Variants in DYNC2H1 observed in about 807,000 individuals in gnomAD.
DYNC2H1 encodes cytoplasmic dynein 2 heavy chain 1.
DYNC2H1 carries 410 observed loss-of-function variants against 570.0 expected under a neutral mutation model. The ratio of observed to expected loss-of-function variants is 0.72; its 90% confidence interval spans 0.66 to 0.78. DYNC2H1 has a LOEUF of 0.78. Among genes scored for constraint, DYNC2H1 ranks in the 30% least tolerant of loss-of-function variants. The pLI, the probability that DYNC2H1 is intolerant of heterozygous loss-of-function variation, is 0.00. For synonymous variants in DYNC2H1, 1,688 were observed against 1,677.6 expected (o/e 1.01, Z -0.15); for missense variants, 4,865 against 5,046.4 (o/e 0.96, Z 1.09).
chr11:103,143,433 A>G (rs374244903), intron 18 of DYNC2H1, 38 bp downstream of exon 18: 31 of 1,542,722 alleles, frequency 2.0e-5, no homozygotes, highest in Non-Finnish European at 2.4e-5. Context: ...TACCATAATA[A>G]TTTTTTGACA....
chr11:103,256,360 C>A lies in DYNC2H1; in HGVS notation c.10461+120C>A. ...ATGATGTGAAAAGAAAAAAGCTATT[C>A]AAAAACATCAGAACATTGGGTTTGA... On this transcript the variant is annotated intron_variant, in intron 68 of 88. Transcript: ENST00000375735. The surrounding 1 kb of genome is among the most constrained non-coding windows in gnomAD (Gnocchi z 4.0). 2 of 988,998 alleles carry A rather than the reference C, an allele frequency of 2.0e-6. No individual in the cohort carries two copies. Among genetic ancestry groups the A allele is most frequent in the Non-Finnish European group, 2.9e-6 (2 of 689,652 alleles). The allele number at this position is 988,998 out of a possible 1,614,324, so 61.3% of individuals were successfully genotyped here. A position where few individuals can be genotyped will look rare whatever the true frequency, so the allele number is the denominator to read the frequency against.
chr11:103,287,103 C>G (rs774655579), intron 74 of DYNC2H1, among the ~76,000 whole-genome samples: 2 of 152,096 alleles, frequency 1.3e-5, no homozygotes, highest in African/African-American at 4.8e-5. Flanking sequence ...GATTGCACCA[C>G]TGCACTCCAG....
rs532644983 is a variant in DYNC2H1 at position 103,358,243 on chromosome 11, G to C, written c.12040G>C (p.Val4014Leu). The change falls in exon 83 of 89, where the codon GTT (valine) becomes CTT (leucine). Residue 4014 changes from valine (V) to leucine (L), a missense_variant and splice_region_variant. Transcript: ENST00000375735. ...TGATACTTATTATTTTTTTATTCAG[G>C]TTATTTCACAGTTGAGGATTTTGGG... ...RSSQRMISSQ[V>L]ISQLRILGRS... 5.2e-6 allele frequency: 8 copies of C among 1,533,190 alleles called. No homozygotes were observed. Among genetic ancestry groups the C allele is most frequent in the African/African-American group, 1.4e-5 (1 of 73,114 alleles). 95.0% of individuals were successfully genotyped at this position (1,533,190 alleles called of 1,614,324 possible). A position where few individuals can be genotyped will look rare whatever the true frequency, so the allele number is the denominator to read the frequency against.
In DYNC2H1 at chr11:103,303,183, C is replaced by G; in HGVS notation, c.11186C>G (p.Pro3729Arg). 2 of 1,612,548 alleles carry G rather than the reference C, an allele frequency of 1.2e-6. No individual in the cohort carries two copies. Among genetic ancestry groups the G allele is most frequent in the Non-Finnish European group, 1.7e-6 (2 of 1,179,004 alleles). The change falls in exon 76 of 89, where the codon CCG becomes CGG. Residue 3729 changes from proline (P) to arginine (R), a missense_variant. Pro to Arg is a moderately radical substitution (Grantham distance 103). This residue lies in a region of DYNC2H1 where 2,401 missense variants were observed against 2,454.6 expected (regional missense o/e 0.98). Transcript: ENST00000375735. ...GAACCCATCTTGATAATTATTTCTCCGGGTGCTGATCCTTCTCAGGAACTT... is the reference window on the plus strand; with the variant it reads ...GAACCCATCTTGATAATTATTTCTCGGGGTGCTGATCCTTCTCAGGAACTT... ...EIEPILIIIS[P>R]GADPSQELQE...
chr11:103,187,328 C>T lies in DYNC2H1; in HGVS notation c.6894-12C>T, dbSNP rs1054674852. Reference sequence around the variant, plus strand: ...ATTTTTATCAAAGTCAGATGTCATGCATTTTTCGTAGGATGCTGCTCAGGT... The same window carrying T: ...ATTTTTATCAAAGTCAGATGTCATGTATTTTTCGTAGGATGCTGCTCAGGT... On this transcript the variant is annotated splice_polypyrimidine_tract_variant and intron_variant, in intron 42 of 88. Coordinates refer to ENST00000375735, the MANE Select transcript of DYNC2H1 (RefSeq NM_001377.3). The T allele has an allele frequency of 1.2e-6, 2 of 1,612,146 alleles. No individual in the cohort carries two copies. Among genetic ancestry groups the T allele is most frequent in the African/African-American group, 2.7e-5 (2 of 74,832 alleles).
At chr11:103,229,181 C>T (rs557622085) in intron 59 of DYNC2H1, among the ~76,000 whole-genome samples, 12 of 152,172 alleles carry the variant, frequency 7.9e-5, no homozygotes, top group Non-Finnish European at 4.4e-5. Context: ...AGAAAGCAAG[C>T]GGACTTAAGT....
intron 18 of DYNC2H1, among the ~76,000 whole-genome samples, chr11:103,147,000 AT>A (rs1355391631): frequency 6.6e-6 from 1 of 152,134 alleles, no homozygotes; most frequent in Non-Finnish European, 1.5e-5. Flanking sequence ...ATAAAAATTT[AT>A]TTTGCCATTT....
In DYNC2H1 at chr11:103,122,805, C is replaced by T. The variant is rs191631635; in HGVS notation, c.1486-20C>T. The T allele has an allele frequency of 2.1e-5, 33 of 1,601,208 alleles. No individual in the cohort carries two copies. In the South Asian group the frequency reaches 3.7e-4, roughly 18 times the overall value. The stretch of plus-strand genomic sequence containing the variant: ...TTTGGAATTTAAATAATGCACATGT[C>T]TGTAATTTGGCTTTTTAAGGTAGAT... On this transcript the variant is annotated intron_variant, in intron 10 of 88. Transcript: ENST00000375735.
intron 84 of DYNC2H1, chr11:103,403,950 T>A (rs1457953507): frequency 6.6e-6 from 1 of 152,118 alleles, no homozygotes; most frequent in East Asian, 1.9e-4. Flanking sequence ...CAATTAAAAT[T>A]AAGATAATGG....
chr11:103,152,201 T>C lies in DYNC2H1; in HGVS notation c.3012T>C (p.Gly1004=), dbSNP rs202082545. Residue 1004 remains glycine (G), a synonymous_variant, in exon 21 of 89, where the codon GGT becomes GGC. Coordinates refer to ENST00000375735, the MANE Select transcript of DYNC2H1 (RefSeq NM_001377.3). ...TTTTACGAACTGTGGCTGGTGGAGG[T>C]TTAGAAACAATTAGTAATTTGAAAG... ...NRLLRTVAGG[G]LETISNLKAK... 7.8e-4 allele frequency: 1,254 copies of C among 1,606,482 alleles called. 14 individuals carry two copies. In the African/African-American group the frequency reaches 0.011, roughly 15 times the overall value.
rs748607783 is a variant in DYNC2H1 at position 103,316,574 on chromosome 11, A to C, written c.11679A>C (p.Leu3893Phe). 1.7e-5 allele frequency: 26 copies of C among 1,560,976 alleles called. No homozygotes were observed. In the Middle Eastern group the frequency reaches 5.0e-4, roughly 30 times the overall value. The change falls in exon 80 of 89, where the codon TTA becomes TTC. Residue 3893 changes from leucine (L) to phenylalanine (F), a missense_variant. Leu to Phe is a conservative substitution (Grantham distance 22, BLOSUM62 0). Coordinates refer to ENST00000375735, the MANE Select transcript of DYNC2H1 (RefSeq NM_001377.3). The stretch of plus-strand genomic sequence containing the variant: ...GGACAAAGTTTTATGAATTTTCTTT[A>C]TCAGATCTTCGGGCTGGGTACAACA... ...QGWTKFYEFS[L>F]SDLRAGYNII...
intron 74 of DYNC2H1, among the ~76,000 whole-genome samples, chr11:103,286,931 A>G (rs1866374014): frequency 6.6e-6 from 1 of 152,146 alleles, no homozygotes; most frequent in South Asian, 2.1e-4. Flanking sequence ...CTATTTCCCC[A>G]AAAGTGCTTA....
Position 103,324,572 on chromosome 11 carries a change from A to G in DYNC2H1, c.12039+582A>G, listed in dbSNP as rs1416176570. Among the ~76,000 whole-genome samples the G allele has an allele frequency of 2.0e-5, 3 of 152,082 alleles. No homozygotes were observed. The highest frequency in any genetic ancestry group is 6.5e-5 in the Admixed American group (1 of 15,268). ...GTTCTTTTCTTATGTTGCATATTCC[A>G]TGTTGTCTATGTATCACATTTTCTT... is the stretch of plus-strand genomic sequence containing the variant. On this transcript the variant is annotated intron_variant, in intron 82 of 88. Coordinates refer to ENST00000375735, the MANE Select transcript of DYNC2H1 (RefSeq NM_001377.3). The surrounding 1 kb of genome is among the most constrained non-coding windows in gnomAD (Gnocchi z 5.2).
rs1192829732 is a variant in DYNC2H1, at chr11:103,135,547, T to G, written c.2258T>G (p.Leu753Arg). The part of the protein sequence containing the change: ...HAWKQHWNHQ[L>R]YKALEHQYQM... The stretch of plus-strand genomic sequence containing the variant: ...TGGAAACAACACTGGAATCATCAAC[T>G]GTACAAAGCTCTGGAGCATCAGTAC... The change falls in exon 16 of 89, where the codon CTG becomes CGG. Residue 753 changes from leucine (L) to arginine (R), a missense_variant. Physicochemically the swap from Leu to Arg is moderately radical, Grantham distance 102. Transcript: ENST00000375735. The G allele has an allele frequency of 6.2e-7, 1 of 1,607,130 alleles. No homozygotes were observed. Among genetic ancestry groups the G allele is most frequent in the Non-Finnish European group, 8.5e-7 (1 of 1,177,490 alleles).
intron 87 of DYNC2H1, among the ~76,000 whole-genome samples, chr11:103,463,055 A>C (rs892373593): frequency 2.6e-5 from 4 of 152,200 alleles, no homozygotes; most frequent in Non-Finnish European, 4.4e-5. Context: ...TGGACCTAAC[A>C]CATATAGTAC....
At chr11:103,266,757 C>T (rs1865521405) in intron 70 of DYNC2H1, among the ~76,000 whole-genome samples, 1 of 152,100 alleles carries the variant, frequency 6.6e-6, no homozygotes, top group Admixed American at 6.5e-5. Context: ...CAGTCAGGCA[C>T]AGTCTGCTAA....
At chr11:103,385,196 T>G (rs1210521467) in intron 83 of DYNC2H1, among the ~76,000 whole-genome samples, 1 of 152,148 alleles carries the variant, frequency 6.6e-6, no homozygotes, top group Non-Finnish European at 1.5e-5. Flanking sequence ...TAATGGGCTT[T>G]TTGAATTTTC....
intron 82 of DYNC2H1, among the ~76,000 whole-genome samples, chr11:103,343,508 G>A (rs76619711): frequency 0.15 from 22,593 of 151,992 alleles, 1,815 homozygotes; most frequent in Admixed American, 0.25. Flanking sequence ...TCGGGGGTGG[G>A]GAGACTATCT....
At chr11:103,286,172 C>T in intron 73 of DYNC2H1, 83 bp from the exon 74 acceptor site, 1 of 1,524,688 alleles carries the variant, frequency 6.6e-7, no homozygotes, top group Non-Finnish European at 8.9e-7. Context: ...ATAATTGGTT[C>T]TCACTTTTAG....
Sources: allele counts gnomAD v4.1 joint callset (sites outside exome capture counted in the v4.1 genomes callset), GRCh38; gene constraint gnomAD v4.1.1; regional missense constraint gnomAD v4.1.1; non-coding constraint Gnocchi (gnomAD v3.1); transcripts MANE v1.5; gene names NCBI Gene and HGNC (gene_info 2026-07-23, HGNC 2026-07-21).